The following CLCN1 variants were observed in gnomAD, a reference collection of about 807,000 sequenced individuals.
The protein encoded by CLCN1 is chloride voltage-gated channel 1.
A neutral mutation model predicts 114.5 loss-of-function variants in CLCN1; 100 were observed. The observed-to-expected ratio is 0.87, with a 90% CI of 0.74 to 1.03. The LOEUF (loss-of-function observed/expected upper bound fraction) is 1.03, where lower values mean the gene tolerates loss of function less well. Among genes scored for constraint, CLCN1 ranks in the 50% least tolerant of loss-of-function variants. CLCN1 has a pLI of 0.00. For synonymous variants in CLCN1, 485 were observed against 487.1 expected, an observed-to-expected ratio of 1.00 and a Z score of 0.06; for missense variants, 1,188 against 1,250.0, an observed-to-expected ratio of 0.95 and a Z score of 0.75.
chr7:143,316,249 C>T lies in CLCN1; in HGVS notation c.37C>T (p.Gln13Ter). 6.2e-7 allele frequency: 1 copy of T among 1,613,746 alleles called. No homozygotes were observed. Among genetic ancestry groups the T allele is most frequent in the East Asian group, 2.2e-5 (1 of 44,852 alleles). ...CCGGTCACAGCAGCGTGGGGGTGAA[C>T]AAAGCTGGTGGGGTAGTGACCCCCA... The part of the protein sequence containing the change: ...QSRSQQRGGE[Q>*]SWWGSDPQYQ... The change falls in exon 1 of 23, where the codon CAA (glutamine) becomes TAA (stop). Residue 13 changes from glutamine to a stop codon, truncating the protein, a stop_gained. Coordinates refer to ENST00000343257, the MANE Select transcript of CLCN1 (RefSeq NM_000083.3). LOFTEE classifies it high-confidence loss of function.
In CLCN1 at chr7:143,316,171, G is replaced by A. The variant is rs1009494344; in HGVS notation, c.-42G>A. On this transcript the variant is annotated 5_prime_UTR_variant, in exon 1 of 23. Transcript: ENST00000343257. ...GAGCTACACTGGGGGAAGGACAGGG[G>A]CAAGCAGGCCAAGGCCTGGCCGGGG... The A allele has an allele frequency of 3.2e-6, 5 of 1,539,794 alleles. No homozygotes were observed. The highest frequency in any genetic ancestry group is 4.5e-6 in the Non-Finnish European group (5 of 1,115,948).
Position 143,351,961 on chromosome 7 carries a change from T to G in CLCN1, c.2963T>G (p.Leu988Arg). The G allele has an allele frequency of 6.2e-7, 1 of 1,612,532 alleles. No homozygotes were observed. Among genetic ancestry groups the G allele is most frequent in the Non-Finnish European group, 8.5e-7 (1 of 1,180,006 alleles). Residue 988 changes from leucine (L) to arginine (R), a missense_variant, in exon 23 of 23, where the codon CTT (leucine) becomes CGT (arginine). Coordinates refer to ENST00000343257, the MANE Select transcript of CLCN1 (RefSeq NM_000083.3). ...GAGGAGGATGAGGATGAACTGATCCTTTGACCCCCTCCCACGACCTCCTCA... is the reference window on the plus strand; with the variant it reads ...GAGGAGGATGAGGATGAACTGATCCGTTGACCCCCTCCCACGACCTCCTCA... ...TDEEDEDELI[L>R]
At chr7:143,351,034 T>G (rs1013758071) in intron 22 of CLCN1, among the ~76,000 whole-genome samples, 3 of 152,174 alleles carry the variant, frequency 2.0e-5, no homozygotes, top group Admixed American at 2.0e-4. Flanking sequence ...CGCCTCGGCT[T>G]CCCAAAATGC....
At chr7:143,335,304 C>A (rs1019319331) in intron 12 of CLCN1, among the ~76,000 whole-genome samples, 4 of 152,150 alleles carry the variant, frequency 2.6e-5, no homozygotes, top group Non-Finnish European at 5.9e-5. Context: ...TAGATTATAT[C>A]CTTGATAATG....
At position 143,332,842 on chromosome 7, in the gene CLCN1, T is replaced by C; in HGVS notation, c.1370T>C (p.Val457Ala). 1 of 1,614,176 alleles carries C rather than the reference T, an allele frequency of 6.2e-7. No homozygotes were observed. The highest frequency in any genetic ancestry group is 8.5e-7 in the Non-Finnish European group (1 of 1,180,036). ...AVWIHPRVNV[V>A]IIIFLFFVMK... is the part of the protein sequence containing the mutation. ...TGGATTCACCCCCGGGTCAACGTTG[T>C]CATCATCATCTTTCTCTTCTTCGTC... Residue 457 changes from valine (V) to alanine (A), a missense_variant, in exon 12 of 23, where the codon GTC becomes GCC. By Grantham distance (64) the Val-to-Ala change is moderately conservative (BLOSUM62 0). Transcript: ENST00000343257.
chr7:143,316,355 AG>A lies in CLCN1; in HGVS notation c.145del (p.Asp49MetfsTer28). ...GGGGGCCTCCAGCACAGGCTCCGGA[AG>A]GATGCAGGCCCCCGCCACAACGTCC... is the stretch of plus-strand genomic sequence containing the variant. The part of the protein sequence containing the change: ...ENGGLQHRLR[K>X]DAGPRHNVHP... On this transcript the variant is annotated frameshift_variant, in exon 1 of 23. Coordinates refer to ENST00000343257, the MANE Select transcript of CLCN1 (RefSeq NM_000083.3). LOFTEE classifies it high-confidence loss of function. The A allele has an allele frequency of 6.2e-7, 1 of 1,609,768 alleles. No homozygotes were observed. Among genetic ancestry groups the A allele is most frequent in the Non-Finnish European group, 8.5e-7 (1 of 1,179,232 alleles).
chr7:143,346,710 G>C lies in CLCN1; in HGVS notation c.2364+52G>C, dbSNP rs1803260149. The C allele has an allele frequency of 2.0e-6, 3 of 1,482,738 alleles. No individual in the cohort carries two copies. The East Asian group carries it at 6.8e-5, about 34-fold the overall frequency. The allele number at this position is 1,482,738 out of a possible 1,614,324, so 91.8% of individuals were successfully genotyped here. On this transcript the variant is annotated intron_variant, in intron 19 of 22. Transcript: ENST00000343257. ...AGGGGAAAGGGAGCCTGCCCTTGAAGAGTGAGAAACCCACGGTTCTTAAAT... is the reference window on the plus strand; with the variant it reads ...AGGGGAAAGGGAGCCTGCCCTTGAACAGTGAGAAACCCACGGTTCTTAAAT...
chr7:143,324,505 C>A lies in CLCN1; in HGVS notation c.853+13C>A, dbSNP rs755828516. 6.2e-6 allele frequency: 10 copies of A among 1,604,622 alleles called. No individual in the cohort carries two copies. Among genetic ancestry groups the A allele is most frequent in the Non-Finnish European group, 8.5e-6 (10 of 1,171,642 alleles). ...ACACCACTTGGAGGCAAGTGATTGACCCCCTCCCCCATCAATCGGCTTGCC... is the reference window on the plus strand; with the variant it reads ...ACACCACTTGGAGGCAAGTGATTGAACCCCTCCCCCATCAATCGGCTTGCC... On this transcript the variant is annotated intron_variant, in intron 7 of 22. Coordinates refer to ENST00000343257, the MANE Select transcript of CLCN1 (RefSeq NM_000083.3). This position sits in a 1 kb window ranked among gnomAD's most constrained non-coding sequence, Gnocchi z 4.6.
intron 14 of CLCN1, among the ~76,000 whole-genome samples, chr7:143,340,066 A>G (rs560659283): frequency 6.6e-6 from 1 of 152,200 alleles, no homozygotes; most frequent in Admixed American, 6.5e-5. Flanking sequence ...GTTACCAGTC[A>G]CCATGAAGCA....
Position 143,326,134 on chromosome 7 carries a change from A to C in CLCN1, c.853+1642A>C, listed in dbSNP as rs1439752401. ...TGGGTTCAAGCAATTCTCATGCCTC[A>C]GTCTCCCAAGTAGCTGGGATTACAG... On this transcript the variant is annotated intron_variant, in intron 7 of 22. Coordinates refer to ENST00000343257, the MANE Select transcript of CLCN1 (RefSeq NM_000083.3). Among the ~76,000 whole-genome samples, 6 of 152,054 alleles carry C rather than the reference A, an allele frequency of 3.9e-5. No homozygotes were observed. In the East Asian group the frequency reaches 5.8e-4, roughly 15 times the overall value.
chr7:143,331,136 G>A (rs1802712376), intron 8 of CLCN1, 96 bp from the exon 9 acceptor site: 4 of 1,083,544 alleles, frequency 3.7e-6, no homozygotes, highest in East Asian at 4.7e-5. Flanking sequence ...TGGGATTGGA[G>A]GAAGGAAGGA....
In CLCN1 at chr7:143,332,858, C is replaced by T; in HGVS notation, c.1386C>T (p.Leu462=). The change falls in exon 12 of 23, where the codon CTC becomes CTT. Residue 462 remains leucine (L), a synonymous_variant. Coordinates refer to ENST00000343257, the MANE Select transcript of CLCN1 (RefSeq NM_000083.3). ...PRVNVVIIIF[L]FFVMKFWMSI... The stretch of plus-strand genomic sequence containing the variant: ...TCAACGTTGTCATCATCATCTTTCT[C>T]TTCTTCGTCATGAAGGTACTGCTCC... 1 of 1,614,212 alleles carries T rather than the reference C, an allele frequency of 6.2e-7. No individual in the cohort carries two copies. The highest frequency in any genetic ancestry group is 1.3e-5 in the African/African-American group (1 of 75,054).
intron 7 of CLCN1, among the ~76,000 whole-genome samples, chr7:143,329,817 T>C (rs906372096): frequency 5.9e-5 from 9 of 152,154 alleles, no homozygotes; most frequent in African/African-American, 1.9e-4. Flanking sequence ...TTTAGGTAAT[T>C]TTGTCATCAA....
At chr7:143,349,231 T>C (rs1803332227) in intron 20 of CLCN1, among the ~76,000 whole-genome samples, 1 of 152,232 alleles carries the variant, frequency 6.6e-6, no homozygotes, top group Admixed American at 6.5e-5. Context: ...ACACACCTGC[T>C]AAGTGGTCAT....
chr7:143,346,542 T>G, intron 18 of CLCN1, 37 bp from the exon 19 acceptor site: 7 of 1,524,256 alleles, frequency 4.6e-6, no homozygotes, highest in Middle Eastern at 1.7e-4. Flanking sequence ...TTCCTGTTGC[T>G]TTGTGTCCAT....
At chr7:143,325,206 C>A (rs1333454750) in intron 7 of CLCN1, among the ~76,000 whole-genome samples, 1 of 152,298 alleles carries the variant, frequency 6.6e-6, no homozygotes, top group South Asian at 2.1e-4. Context: ...TTATATAGAT[C>A]ATTCACTGGA....
chr7:143,332,834 C>A lies in CLCN1; in HGVS notation c.1362C>A (p.Val454=). 6.2e-7 allele frequency: 1 copy of A among 1,614,188 alleles called. No individual in the cohort carries two copies. The highest frequency in any genetic ancestry group is 2.2e-5 in the East Asian group (1 of 44,874). ...CAGCTGTGTGGATTCACCCCCGGGTCAACGTTGTCATCATCATCTTTCTCT... is the reference window on the plus strand; with the variant it reads ...CAGCTGTGTGGATTCACCCCCGGGTAAACGTTGTCATCATCATCTTTCTCT... ...GQSAVWIHPR[V]NVVIIIFLFF... is the part of the protein sequence containing the mutation. The change falls in exon 12 of 23, where the codon GTC becomes GTA. Residue 454 remains valine, a synonymous_variant. Transcript: ENST00000343257.
At chr7:143,340,668 G>A (rs1304018632) in intron 14 of CLCN1, among the ~76,000 whole-genome samples, 1 of 152,144 alleles carries the variant, frequency 6.6e-6, no homozygotes, top group Non-Finnish European at 1.5e-5. Context: ...AAGTAGCTGG[G>A]ATTACAGGCA....
At position 143,339,938 on chromosome 7, in the gene CLCN1, G is replaced by T. The variant is rs545244297; in HGVS notation, c.1582+317G>T. 6.6e-6 allele frequency among the ~76,000 whole-genome samples: 1 copy of T among 152,258 alleles called. No homozygotes were observed. Among genetic ancestry groups the T allele is most frequent in the Non-Finnish European group, 1.5e-5 (1 of 68,020 alleles). On this transcript the variant is annotated intron_variant, in intron 14 of 22. Coordinates refer to ENST00000343257, the MANE Select transcript of CLCN1 (RefSeq NM_000083.3). The surrounding 1 kb of genome is among the most constrained non-coding windows in gnomAD (Gnocchi z 4.1). The stretch of plus-strand genomic sequence containing the variant: ...CAAGAATCATGGAACCAACAATGCA[G>T]GTGATTGGCTCAGGTTGCAGGTGAT...
Sources: gnomAD v4.1 joint callset for allele counts (sites outside exome capture counted in the v4.1 genomes callset) on GRCh38, gnomAD v4.1.1 for gene constraint, Gnocchi (gnomAD v3.1) non-coding constraint, MANE v1.5 for transcripts, NCBI Gene and HGNC (gene_info 2026-07-23, HGNC 2026-07-21) for gene names.